Variants in BAZ2B observed in about 807,000 individuals in gnomAD.
BAZ2B encodes the protein bromodomain adjacent to zinc finger domain protein 2B.
Under a neutral mutation model 246.0 loss-of-function variants are expected in BAZ2B, and 91 were observed. The observed-to-expected ratio is 0.37, with a 90% CI of 0.31 to 0.44. The LOEUF (loss-of-function observed/expected upper bound fraction) is 0.44. Ranked by LOEUF, BAZ2B falls within the 20% of genes least tolerant of loss-of-function variation. The pLI, the probability that BAZ2B is intolerant of heterozygous loss-of-function variation, is 1.00. For missense variants in BAZ2B, 2,332 were observed against 2,533.7 expected (o/e 0.92, Z 1.71); for synonymous variants, 855 against 860.0 (o/e 0.99, Z 0.10).
At chr2:159,676,241 C>T in the BAZ2B span, among the ~76,000 whole-genome samples, 1 of 151,816 alleles carries the variant, frequency 6.6e-6, no homozygotes, top group African/African-American at 2.4e-5. Context: ...CTATGTTGCC[C>T]AGGCTGGTCT....
intron 2 of BAZ2B, among the ~76,000 whole-genome samples, chr2:159,523,675 G>T (rs574033636): frequency 6.6e-6 from 1 of 152,168 alleles, no homozygotes; most frequent in Non-Finnish European, 1.5e-5. Context: ...CCCAGCCTGG[G>T]TGACAGAGTG....
chr2:159,656,697 TC>T, the BAZ2B span, among the ~76,000 whole-genome samples: 1 of 152,168 alleles, frequency 6.6e-6, no homozygotes, highest in African/African-American at 2.4e-5. Flanking sequence ...TGAATAATAT[TC>T]CATTGTCTGG....
intron 3 of BAZ2B, 34 bp downstream of exon 3, chr2:159,478,541 G>GC: frequency 6.4e-7 from 1 of 1,562,320 alleles, no homozygotes. Context: ...TAAAAGAATG[G>GC]CATTCTAAAA....
Position 159,446,907 on chromosome 2 carries a change from T to C in BAZ2B, c.571A>G (p.Thr191Ala), listed in dbSNP as rs959286036. Residue 191 changes from threonine to alanine, a missense_variant, in exon 6 of 37, where the codon ACT becomes GCT. By Grantham distance (58) the Thr-to-Ala change is moderately conservative. Transcript: ENST00000392783. Reference protein sequence around the residue: ...VIGINTSVLSTTASSSMGQTK... With the variant: ...VIGINTSVLSATASSSMGQTK... ...TGTCCCATGGAACTTGAAGCAGTAG[T>C]GGATAGTACAGATGTGTTGATACCA... 15 of 1,613,488 alleles carry C rather than the reference T, an allele frequency of 9.3e-6. No individual in the cohort carries two copies. The highest frequency in any genetic ancestry group is 1.7e-5 in the Admixed American group (1 of 59,880).
At chr2:159,324,525 G>A (rs1227076156) in intron 36 of BAZ2B, among the ~76,000 whole-genome samples, 1 of 151,612 alleles carries the variant, frequency 6.6e-6, no homozygotes, top group Admixed American at 6.6e-5. Context: ...TTGGGTTTGT[G>A]GTGCTCTTTC....
chr2:159,495,110 A>G (rs934635092), intron 2 of BAZ2B, among the ~76,000 whole-genome samples: 15 of 152,198 alleles, frequency 9.9e-5, no homozygotes, highest in African/African-American at 3.4e-4. Flanking sequence ...AAGATATTAT[A>G]TTTATTCTTA....
chr2:159,438,941 G>C, intron 7 of BAZ2B, 68 bp downstream of exon 7: 3 of 1,485,734 alleles, frequency 2.0e-6, no homozygotes, highest in Non-Finnish European at 2.8e-6. Context: ...GACTTTGAGA[G>C]TCAAGATAAA....
chr2:159,394,604 G>A (rs1052358380), intron 20 of BAZ2B, among the ~76,000 whole-genome samples: 2 of 152,140 alleles, frequency 1.3e-5, no homozygotes, highest in Admixed American at 6.5e-5. Context: ...TCTATGCTAA[G>A]AGGTACTCTA....
intron 3 of BAZ2B, among the ~76,000 whole-genome samples, chr2:159,456,925 A>C (rs1225603532): frequency 6.6e-6 from 1 of 152,216 alleles, no homozygotes; most frequent in Admixed American, 6.5e-5. Context: ...TAATTTAAGA[A>C]TACATTTCAC....
In BAZ2B at chr2:159,385,176, GC is replaced by G; in HGVS notation, c.3664del (p.Ala1222HisfsTer20). The G allele has an allele frequency of 6.2e-7, 1 of 1,613,420 alleles. No individual in the cohort carries two copies. The highest frequency in any genetic ancestry group is 8.5e-7 in the Non-Finnish European group (1 of 1,179,524). ...TCACCTGACCACACTCTTGCTGCAT[GC>G]CAGTTCATTGATCAGGAAAGCCAGG... is the stretch of plus-strand genomic sequence containing the variant. The part of the protein sequence containing the change: ...SVLAFLINEL[A>X]CSKSVVSEID... On this transcript the variant is annotated frameshift_variant, in exon 23 of 37. Coordinates refer to ENST00000392783, the MANE Select transcript of BAZ2B (RefSeq NM_013450.4). LOFTEE classifies it high-confidence loss of function.
chr2:159,472,548 T>A (rs2077943228), intron 3 of BAZ2B, among the ~76,000 whole-genome samples: 1 of 152,246 alleles, frequency 6.6e-6, no homozygotes, highest in African/African-American at 2.4e-5. Context: ...AGAGAGGGCA[T>A]CTTTGTCTTG....
At chr2:159,436,649 G>T (rs1378481793) in intron 8 of BAZ2B, among the ~76,000 whole-genome samples, 1 of 152,206 alleles carries the variant, frequency 6.6e-6, no homozygotes, top group East Asian at 1.9e-4. Context: ...TACTCGGGAG[G>T]CTGAGGCGGG....
intron 2 of BAZ2B, among the ~76,000 whole-genome samples, chr2:159,513,505 T>C (rs1454622915): frequency 6.6e-6 from 1 of 152,204 alleles, no homozygotes; most frequent in Non-Finnish European, 1.5e-5. Context: ...GTCAAAGTCC[T>C]GATTCTTCAT....
chr2:159,519,269 CCGGACTG>C (rs2083830676), intron 2 of BAZ2B, among the ~76,000 whole-genome samples: 1 of 114,822 alleles, frequency 8.7e-6, no homozygotes, highest in Non-Finnish European at 1.7e-5. Context: ...GTCGCCCAGG[CCGGACTG>C]CGGACTGCAG....
At chr2:159,428,120 A>G (rs1264835009) in intron 12 of BAZ2B, 78 bp from the exon 13 acceptor site, 12 of 1,370,682 alleles carry the variant, frequency 8.8e-6, no homozygotes, top group Non-Finnish European at 1.1e-5. Context: ...GCTTCAGGAC[A>G]CTAATGTTTT....
intron 1 of BAZ2B, among the ~76,000 whole-genome samples, chr2:159,593,727 T>TA (rs1689937574): frequency 6.6e-6 from 1 of 152,178 alleles, no homozygotes; most frequent in Non-Finnish European, 1.5e-5. Context: ...GTTAGTCACC[T>TA]AATAGTTGTC....
chr2:159,529,361 C>G (rs922007980), intron 2 of BAZ2B, among the ~76,000 whole-genome samples: 4 of 151,904 alleles, frequency 2.6e-5, no homozygotes, highest in African/African-American at 9.7e-5. Flanking sequence ...TGAAATCTCT[C>G]TGGCTTCCTT....
chr2:159,565,982 G>T (rs1682465144), intron 1 of BAZ2B, among the ~76,000 whole-genome samples: 1 of 152,062 alleles, frequency 6.6e-6, no homozygotes, highest in Non-Finnish European at 1.5e-5. Flanking sequence ...GTAATAGGCT[G>T]CCATGTTAAA....
At chr2:159,420,643 CGTT>C (rs1188888315) in intron 13 of BAZ2B, among the ~76,000 whole-genome samples, 5 of 152,034 alleles carry the variant, frequency 3.3e-5, no homozygotes, top group Non-Finnish European at 5.9e-5. Flanking sequence ...CAAAATAATA[CGTT>C]ATTAACAATT....
Sources: allele counts gnomAD v4.1 joint callset (sites outside exome capture counted in the v4.1 genomes callset), GRCh38; gene constraint gnomAD v4.1.1; transcripts MANE v1.5; gene names NCBI Gene and HGNC (gene_info 2026-07-23, HGNC 2026-07-21).